SMPD3: variants seen among roughly 807,000 people sequenced by gnomAD.
SMPD3 encodes nSMase-2.
A neutral mutation model predicts 55.7 loss-of-function variants in SMPD3; 21 were observed. The ratio of observed to expected loss-of-function variants is 0.38; its 90% CI spans 0.27 to 0.54. The LOEUF (loss-of-function observed/expected upper bound fraction) is 0.54. Ranked by LOEUF, SMPD3 falls within the 20% of genes least tolerant of loss-of-function variation. The probability of loss-of-function intolerance (pLI) is 0.80; values close to 1 mark genes in which losing one functional copy is unlikely to be tolerated. For synonymous variants in SMPD3, 457 were observed against 404.3 expected (o/e 1.13, Z -1.56); for missense variants, 842 against 899.6 (o/e 0.94, Z 0.82).
At chr16:68,366,302 CCAT>C (rs1252684981) in intron 3 of SMPD3, among the ~76,000 whole-genome samples, 1 of 152,218 alleles carries the variant, frequency 6.6e-6, no homozygotes, top group Non-Finnish European at 1.5e-5. Context: ...ATTATCTCCT[CCAT>C]CTGGACGTCC....
chr16:68,371,536 C>T lies in SMPD3; in HGVS notation c.646G>A (p.Gly216Ser), dbSNP rs369738240. 1.4e-5 allele frequency: 22 copies of T among 1,601,802 alleles called. No individual in the cohort carries two copies. The highest frequency in any genetic ancestry group is 6.7e-5 in the African/African-American group (5 of 74,882). ...GCCTCGTCACCGGGGTGCCGCCCAC[C>T]GTCACCCTTGTACTCCACAGAGGCT... Reference protein sequence around the residue: ...RTASVEYKGDGGRHPGDEAAN... With the variant: ...RTASVEYKGDSGRHPGDEAAN... The change falls in exon 3 of 9, where the codon GGT (glycine) becomes AGT (serine). Residue 216 changes from glycine (G) to serine (S), a missense_variant. Transcript: ENST00000219334.
intron 3 of SMPD3, among the ~76,000 whole-genome samples, chr16:68,366,093 C>G (rs148396864): frequency 1.3e-5 from 2 of 152,270 alleles, no homozygotes; most frequent in Non-Finnish European, 2.9e-5. Context: ...ATGAGGAGAC[C>G]CCAGACCCAA....
At position 68,419,982 on chromosome 16, in the gene SMPD3, C is replaced by CT. The variant is rs34861442; in HGVS notation, c.-269+28370dup. Among the ~76,000 whole-genome samples, 177 of 140,420 alleles carry CT rather than the reference C, an allele frequency of 1.3e-3. 2 individuals carry two copies. The highest frequency in any genetic ancestry group is 1.5e-3 in the Non-Finnish European group (97 of 65,044). The allele number at this position is 140,420 out of a possible 152,430, so 92.1% of individuals were successfully genotyped here. Reference sequence around the variant, plus strand: ...CATGTAGTATCCCGAATAGCTATTGCTTTTTTTTTTTTTTTTTTAAGAGAT... The same window carrying CT: ...CATGTAGTATCCCGAATAGCTATTGCTTTTTTTTTTTTTTTTTTTAAGAGAT... On this transcript the variant is annotated intron_variant, in intron 1 of 8. Transcript: ENST00000219334.
rs74024645 is a variant in SMPD3, at chr16:68,411,152, C to T, written c.-268-24493G>A. ...AGGGCAGCCTCCAGGCAAAGCAGGCCGGGGTCAGGAGAGATCTTTGGGGAG... is the reference window on the plus strand; with the variant it reads ...AGGGCAGCCTCCAGGCAAAGCAGGCTGGGGTCAGGAGAGATCTTTGGGGAG... On this transcript the variant is annotated intron_variant, in intron 1 of 8. Coordinates refer to ENST00000219334, the MANE Select transcript of SMPD3 (RefSeq NM_018667.4). 2.0e-3 allele frequency among the ~76,000 whole-genome samples: 306 copies of T among 152,370 alleles called. 2 individuals carry two copies. Among genetic ancestry groups the T allele is most frequent in the African/African-American group, 7.0e-3 (291 of 41,594 alleles).
At chr16:68,403,878 G>C (rs569499606) in intron 1 of SMPD3, among the ~76,000 whole-genome samples, 1 of 152,308 alleles carries the variant, frequency 6.6e-6, no homozygotes, top group Non-Finnish European at 1.5e-5. Flanking sequence ...TGTGACTAGA[G>C]GGGTGACCAC....
intron 1 of SMPD3, among the ~76,000 whole-genome samples, chr16:68,428,853 G>T (rs1002404004): frequency 6.6e-6 from 1 of 152,186 alleles, no homozygotes; most frequent in Non-Finnish European, 1.5e-5. Flanking sequence ...TGTGCAGAGA[G>T]CCCAGAGGAG....
intron 1 of SMPD3, among the ~76,000 whole-genome samples, chr16:68,446,258 C>A (rs1357666263): frequency 6.6e-6 from 1 of 152,156 alleles, no homozygotes; most frequent in South Asian, 2.1e-4. Flanking sequence ...AGACCTGAGA[C>A]CTCAGAAGGG....
Position 68,358,338 on chromosome 16 carries a change from A to G in SMPD3, c.*2868T>C, listed in dbSNP as rs1179007480. The G allele has an allele frequency of 6.5e-6, 1 of 152,754 alleles. No individual in the cohort carries two copies. The highest frequency in any genetic ancestry group is 2.4e-5 in the African/African-American group (1 of 41,472). 9.5% of individuals were successfully genotyped at this position (152,754 alleles called of 1,614,324 possible). On this transcript the variant is annotated 3_prime_UTR_variant, in exon 9 of 9. Transcript: ENST00000219334. Reference sequence around the variant, plus strand: ...GGAGAACACCAGCCTTGAGCCTCACAGTTTTATTTTCTCCTCGTTATCCAT... The same window carrying G: ...GGAGAACACCAGCCTTGAGCCTCACGGTTTTATTTTCTCCTCGTTATCCAT...
chr16:68,426,803 A>G (rs1278488403), intron 1 of SMPD3, among the ~76,000 whole-genome samples: 1 of 152,152 alleles, frequency 6.6e-6, no homozygotes, highest in Non-Finnish European at 1.5e-5. Context: ...TTTATTAATA[A>G]CAAGAATAAT....
At chr16:68,416,461 C>T (rs1373413961) in intron 1 of SMPD3, among the ~76,000 whole-genome samples, 1 of 152,230 alleles carries the variant, frequency 6.6e-6, no homozygotes, top group African/African-American at 2.4e-5. Context: ...CTCCTACCCT[C>T]CTGTCCAGAA....
At chr16:68,414,687 T>C (rs1367583709) in intron 1 of SMPD3, among the ~76,000 whole-genome samples, 1 of 152,196 alleles carries the variant, frequency 6.6e-6, no homozygotes, top group Non-Finnish European at 1.5e-5. Context: ...CAACAGGGCA[T>C]GGCATGAGAT....
intron 1 of SMPD3, among the ~76,000 whole-genome samples, chr16:68,399,291 C>T (rs576941427): frequency 1.3e-3 from 204 of 152,312 alleles, no homozygotes; most frequent in African/African-American, 4.8e-3. Context: ...TTACCTGGCT[C>T]CTGCTCTGGG....
At chr16:68,440,438 A>T (rs1263557548) in intron 1 of SMPD3, among the ~76,000 whole-genome samples, 1 of 152,156 alleles carries the variant, frequency 6.6e-6, no homozygotes, top group Non-Finnish European at 1.5e-5. Flanking sequence ...TGGACTAAAT[A>T]AATCCACTCG....
At chr16:68,445,312 C>T (rs1223421437) in intron 1 of SMPD3, among the ~76,000 whole-genome samples, 1 of 151,998 alleles carries the variant, frequency 6.6e-6, no homozygotes. Flanking sequence ...ACAGGAGATG[C>T]CTAAATCTCT....
At chr16:68,394,837 C>T (rs9972857) in intron 1 of SMPD3, among the ~76,000 whole-genome samples, 26,786 of 152,160 alleles carry the variant, frequency 0.18, 2,535 homozygotes, top group African/African-American at 0.2. Flanking sequence ...TCAGGCAGAG[C>T]TGGAGATACA....
At position 68,365,139 on chromosome 16, in the gene SMPD3, C is replaced by T. The variant is rs750155895; in HGVS notation, c.1324-47G>A. ...GCTGCCACCTGCCAGTCACTGTGGC[C>T]CTGAGAGCACAGGACACTGGCAGTG... On this transcript the variant is annotated intron_variant, in intron 3 of 8. Transcript: ENST00000219334. 2.5e-6 allele frequency: 4 copies of T among 1,596,742 alleles called. No individual in the cohort carries two copies. The South Asian group carries it at 4.4e-5, about 18-fold the overall frequency.
Position 68,371,089 on chromosome 16 carries a change from C to A in SMPD3, c.1093G>T (p.Val365Leu). The change falls in exon 3 of 9, where the codon GTG (valine) becomes TTG (leucine). Residue 365 changes from valine to leucine, a missense_variant. This residue lies in a region of SMPD3 where 649 missense variants were observed against 643.6 expected (regional missense o/e 1.01). Transcript: ENST00000219334. ...ANLDFLCLQEVFDKRAATKLK... is the reference protein window; with the variant it reads ...ANLDFLCLQELFDKRAATKLK... ...TTGGTGGCTGCTCGCTTGTCAAACA[C>A]CTCCTGCAGGCACAGGAAGTCCAGG... The A allele has an allele frequency of 6.2e-7, 1 of 1,614,210 alleles. No homozygotes were observed. The highest frequency in any genetic ancestry group is 8.5e-7 in the Non-Finnish European group (1 of 1,180,048).
chr16:68,363,687 A>AGTGGGGTCTT, intron 6 of SMPD3, 90 bp downstream of exon 6: 2 of 1,453,834 alleles, frequency 1.4e-6, no homozygotes, highest in South Asian at 1.2e-5. Flanking sequence ...CTTCCCCAGC[A>AGTGGGGTCTT]GTGGGGTCTT....
In SMPD3 at chr16:68,402,723, G is replaced by A. The variant is rs544713336; in HGVS notation, c.-268-16064C>T. Among the ~76,000 whole-genome samples, 4 of 152,254 alleles carry A rather than the reference G, an allele frequency of 2.6e-5. No individual in the cohort carries two copies. In the South Asian group the frequency reaches 6.2e-4, roughly 24 times the overall value. On this transcript the variant is annotated intron_variant, in intron 1 of 8. Coordinates refer to ENST00000219334, the MANE Select transcript of SMPD3 (RefSeq NM_018667.4). ...CCACAAAGAGGCAACAAGGTTCTAC[G>A]GAATCAAGGTTCTACAGAATCAAGG...
Sources: gnomAD v4.1 joint callset for allele counts (sites outside exome capture counted in the v4.1 genomes callset) on GRCh38, gnomAD v4.1.1 for gene constraint, gnomAD v4.1.1 regional missense constraint, MANE v1.5 for transcripts, NCBI Gene and HGNC (gene_info 2026-07-23, HGNC 2026-07-21) for gene names.